Variants in CD70 observed in about 807,000 individuals in gnomAD.
CD70 encodes the protein CD70 antigen.
Under a neutral mutation model 9.0 loss-of-function variants are expected in CD70, and 6 were observed. The observed-to-expected ratio is 0.67, with a 90% CI of 0.37 to 1.32. The LOEUF is 1.32. Ranked by LOEUF, CD70 falls within the 40% of genes most tolerant of loss-of-function variation. The probability of loss-of-function intolerance (pLI) is 0.02; values close to 1 mark genes in which losing one functional copy is unlikely to be tolerated. For missense variants in CD70, 235 were observed against 258.7 expected, an observed-to-expected ratio of 0.91 and a Z score of 0.63; for synonymous variants, 108 against 112.3, an observed-to-expected ratio of 0.96 and a Z score of 0.24.
chr19:6,584,698 CAA>C (rs34700045), downstream of CD70, among the ~76,000 whole-genome samples: 3 of 102,280 alleles, frequency 2.9e-5, no homozygotes, highest in Non-Finnish European at 1.9e-5. Context: ...GACCTCATCT[CAA>C]AAAAAAAAAA....
intron 2 of CD70, among the ~76,000 whole-genome samples, chr19:6,587,843 G>A (rs1916061827): frequency 6.6e-6 from 1 of 152,134 alleles, no homozygotes; most frequent in African/African-American, 2.4e-5. Flanking sequence ...CGAGTCACTG[G>A]GAGGTGGCAT....
rs200049092 is a variant in CD70 at position 6,590,807 on chromosome 19, A to G, written c.162+34T>C. 1.3e-6 allele frequency: 2 copies of G among 1,579,630 alleles called. No individual in the cohort carries two copies. Among genetic ancestry groups the G allele is most frequent in the African/African-American group, 1.3e-5 (1 of 74,360 alleles). Reference sequence around the variant, plus strand: ...TGTCTTTTCGGTCACGCGCCTCTCTATGTTTTCTTCCCAACTTTTCCATCT... The same window carrying G: ...TGTCTTTTCGGTCACGCGCCTCTCTGTGTTTTCTTCCCAACTTTTCCATCT... On this transcript the variant is annotated intron_variant, in intron 1 of 2. Transcript: ENST00000245903. The surrounding 1 kb of genome is among the most constrained non-coding windows in gnomAD (Gnocchi z 5.3).
rs1208626658 is a variant in CD70 at position 6,586,309 on chromosome 19, A to T, written c.293T>A (p.Ile98Asn). Residue 98 changes from isoleucine (I) to asparagine (N), a missense_variant, in exon 3 of 3, where the codon ATC (isoleucine) becomes AAC (asparagine). Coordinates refer to ENST00000245903, the MANE Select transcript of CD70 (RefSeq NM_001252.5). ...TACCATGTAGATGCCATCACGATGG[A>T]TACGTAGCTGCCCCTTGTCCAGCTC... ...GPELDKGQLRIHRDGIYMVHI... is the reference protein window; with the variant it reads ...GPELDKGQLRNHRDGIYMVHI... 1.2e-6 allele frequency: 2 copies of T among 1,613,686 alleles called. No individual in the cohort carries two copies. Among genetic ancestry groups the T allele is most frequent in the Non-Finnish European group, 1.7e-6 (2 of 1,179,996 alleles).
intron 2 of CD70, among the ~76,000 whole-genome samples, chr19:6,586,902 C>CAAAAAAAAAA (rs55803401): frequency 3.5e-5 from 3 of 85,328 alleles, no homozygotes; most frequent in African/African-American, 5.0e-5. Flanking sequence ...GAGAGAGAGA[C>CAAAAAAAAAA]AAAAAAAAAA....
chr19:6,586,119 C>T lies in CD70; in HGVS notation c.483G>A (p.Leu161=). Residue 161 remains leucine, a synonymous_variant, in exon 3 of 3, where the codon CTG becomes CTA. Coordinates refer to ENST00000245903, the MANE Select transcript of CD70 (RefSeq NM_001252.5). ...TGGTGCAGAGTGTGTCCCCTCGGGC[C>T]AGGGGCGTCAGGCGCTGGGAGGCAA... ...CTIASQRLTP[L]ARGDTLCTNL... 6.2e-7 allele frequency: 1 copy of T among 1,614,070 alleles called. No homozygotes were observed. The highest frequency in any genetic ancestry group is 8.5e-7 in the Non-Finnish European group (1 of 1,179,990).
At chr19:6,588,923 A>G (rs1349092463) in intron 2 of CD70, among the ~76,000 whole-genome samples, 1 of 152,138 alleles carries the variant, frequency 6.6e-6, no homozygotes, top group Non-Finnish European at 1.5e-5. Flanking sequence ...CCCACTGCAG[A>G]TGTATAATTA....
intron 2 of CD70, among the ~76,000 whole-genome samples, chr19:6,589,271 CT>C (rs926311851): frequency 1.4e-4 from 19 of 133,640 alleles, no homozygotes; most frequent in Admixed American, 3.1e-4. Context: ...TCTCTTATTT[CT>C]TTTTTTCTCT....
intron 2 of CD70, among the ~76,000 whole-genome samples, chr19:6,587,698 C>A (rs1474563134): frequency 6.6e-6 from 1 of 152,010 alleles, no homozygotes; most frequent in Admixed American, 6.6e-5. Context: ...CCCGTTGGCC[C>A]TCTTCTCTCT....
Position 6,591,060 on chromosome 19 carries a change from C to A in CD70, c.-58G>T. On this transcript the variant is annotated 5_prime_UTR_variant, in exon 1 of 3. Coordinates refer to ENST00000245903, the MANE Select transcript of CD70 (RefSeq NM_001252.5). ...GGGCGATGGGGGCGCGGAGCGCTGC[C>A]GAGAAGGAAGGAAGGAAACTGCAGC... The A allele has an allele frequency of 6.6e-7, 1 of 1,520,076 alleles. No homozygotes were observed. The highest frequency in any genetic ancestry group is 2.3e-5 in the East Asian group (1 of 42,702). 94.2% of individuals were successfully genotyped at this position (1,520,076 alleles called of 1,614,324 possible).
At position 6,586,278 on chromosome 19, in the gene CD70, G is replaced by T. The variant is rs1467938487; in HGVS notation, c.324C>A (p.Ile108=). The part of the protein sequence containing the change: ...IHRDGIYMVH[I]QVTLAICSST... ...AGGAGCAGATGGCCAGCGTCACCTG[G>T]ATGTGTACCATGTAGATGCCATCAC... The change falls in exon 3 of 3, where the codon ATC becomes ATA. Residue 108 remains isoleucine (I), a synonymous_variant. Coordinates refer to ENST00000245903, the MANE Select transcript of CD70 (RefSeq NM_001252.5). 6 of 1,613,978 alleles carry T rather than the reference G, an allele frequency of 3.7e-6. No homozygotes were observed. Among genetic ancestry groups the T allele is most frequent in the Non-Finnish European group, 5.1e-6 (6 of 1,180,026 alleles).
downstream of CD70, among the ~76,000 whole-genome samples, chr19:6,581,947 A>G (rs1220366039): frequency 1.3e-5 from 2 of 150,472 alleles, no homozygotes; most frequent in Admixed American, 6.7e-5. Flanking sequence ...CAGGCGTTGG[A>G]TATACCCATT....
intron 2 of CD70, among the ~76,000 whole-genome samples, chr19:6,588,177 G>A (rs907743165): frequency 6.6e-6 from 1 of 152,180 alleles, no homozygotes; most frequent in Non-Finnish European, 1.5e-5. Context: ...TGTTTACCAG[G>A]CTTTGCAAAT....
chr19:6,583,531 C>T, downstream of CD70: 1 of 501,332 alleles, frequency 2.0e-6, no homozygotes, highest in Non-Finnish European at 3.6e-6. Flanking sequence ...CTGACCTGAA[C>T]TAACTTTTTG....
chr19:6,590,043 CTCCT>C lies in CD70; in HGVS notation c.196+56_196+59del. 1 of 1,404,952 alleles carries C rather than the reference CTCCT, an allele frequency of 7.1e-7. No homozygotes were observed. The highest frequency in any genetic ancestry group is 1.0e-6 in the Non-Finnish European group (1 of 1,000,012). The allele number at this position is 1,404,952 out of a possible 1,614,324, so 87.0% of individuals were successfully genotyped here. ...TCTCTCCCCACTTGTCTTTCTACCT[CTCCT>C]TCCTTCTCTCTCTGTGCCTCTTCTT... On this transcript the variant is annotated intron_variant, in intron 2 of 2. Coordinates refer to ENST00000245903, the MANE Select transcript of CD70 (RefSeq NM_001252.5). The surrounding 1 kb of genome is among the most constrained non-coding windows in gnomAD (Gnocchi z 5.3).
At chr19:6,583,846 G>T (rs1346346047), downstream of CD70, among the ~76,000 whole-genome samples, 2 of 145,484 alleles carry the variant, frequency 1.4e-5, no homozygotes, top group South Asian at 2.2e-4. Context: ...AGGCTGGAGT[G>T]CAATGACATG....
downstream of CD70, chr19:6,583,474 A>C (rs111613514): frequency 3.5e-3 from 2,230 of 641,278 alleles, 29 homozygotes; most frequent in African/African-American, 0.031. Flanking sequence ...AAAATCCAAA[A>C]AGCCCTGGAA....
At position 6,590,281 on chromosome 19, in the gene CD70, T is replaced by C. The variant is rs1447189756; in HGVS notation, c.163-145A>G. 1.9e-6 allele frequency: 1 copy of C among 532,142 alleles called. No homozygotes were observed. The highest frequency in any genetic ancestry group is 2.2e-5 in the African/African-American group (1 of 46,464). The allele number at this position is 532,142 out of a possible 1,614,324, so 33.0% of individuals were successfully genotyped here. On this transcript the variant is annotated intron_variant, in intron 1 of 2. Transcript: ENST00000245903. The surrounding 1 kb of genome is among the most constrained non-coding windows in gnomAD (Gnocchi z 5.3). Reference sequence around the variant, plus strand: ...GCACTGGTGATTTTATTTCATTTTATTTTTTTTTACTCTTAAGACTTCTTA... The same window carrying C: ...GCACTGGTGATTTTATTTCATTTTACTTTTTTTTACTCTTAAGACTTCTTA...
Position 6,586,126 on chromosome 19 carries a change from GT to G in CD70, c.475del (p.Thr159ArgfsTer40). The G allele has an allele frequency of 6.2e-7, 1 of 1,614,114 alleles. No individual in the cohort carries two copies. Among genetic ancestry groups the G allele is most frequent in the Non-Finnish European group, 8.5e-7 (1 of 1,179,994 alleles). The part of the protein sequence containing the change: ...QGCTIASQRL[T>X]PLARGDTLCT... ...GAGTGTGTCCCCTCGGGCCAGGGGC[GT>G]CAGGCGCTGGGAGGCAATGGTACAA... On this transcript the variant is annotated frameshift_variant, in exon 3 of 3. Coordinates refer to ENST00000245903, the MANE Select transcript of CD70 (RefSeq NM_001252.5). LOFTEE classifies it high-confidence loss of function.
At chr19:6,585,347 CTTTT>C (rs3055533), downstream of CD70, among the ~76,000 whole-genome samples, 4 of 133,942 alleles carry the variant, frequency 3.0e-5, no homozygotes, top group African/African-American at 5.4e-5. Context: ...GAAAACAGAA[CTTTT>C]TTTTTTTTTT....
Sources: allele counts gnomAD v4.1 joint callset (sites outside exome capture counted in the v4.1 genomes callset), GRCh38; gene constraint gnomAD v4.1.1; non-coding constraint Gnocchi (gnomAD v3.1); transcripts MANE v1.5; gene names NCBI Gene and HGNC (gene_info 2026-07-23, HGNC 2026-07-21).